The following PTK6 variants were observed in gnomAD, a reference collection of about 807,000 sequenced individuals.
The protein encoded by PTK6 is protein tyrosine kinase 6.
PTK6 carries 47 observed loss-of-function variants against 47.5 expected under a neutral mutation model. The ratio of observed to expected loss-of-function variants is 0.99; its 90% confidence interval spans 0.78 to 1.26. PTK6 has a LOEUF of 1.26. PTK6 is among the 50% of genes most tolerant of loss of function. The probability of loss-of-function intolerance (pLI) is 0.00; values close to 1 mark genes in which losing one functional copy is unlikely to be tolerated. For synonymous variants in PTK6, 287 were observed against 276.5 expected (o/e 1.04, Z -0.38); for missense variants, 618 against 625.3 (o/e 0.99, Z 0.12).
At position 63,529,271 on chromosome 20, in the gene PTK6, T is replaced by C. The variant is rs1404633275; in HGVS notation, c.*265A>G. On this transcript the variant is annotated 3_prime_UTR_variant, in exon 8 of 8. Transcript: ENST00000542869. The surrounding 1 kb of genome is among the most constrained non-coding windows in gnomAD (Gnocchi z 5.6). Reference sequence around the variant, plus strand: ...TGTGGTCAGAGTCCCCTCTGACCTCTGCTGGCTTCGTGTCAGTCTCCCGGA... The same window carrying C: ...TGTGGTCAGAGTCCCCTCTGACCTCCGCTGGCTTCGTGTCAGTCTCCCGGA... 1 of 365,128 alleles carries C rather than the reference T, an allele frequency of 2.7e-6. No homozygotes were observed. The highest frequency in any genetic ancestry group is 5.0e-5 in the East Asian group (1 of 20,102). The allele number at this position is 365,128 out of a possible 1,614,324, so 22.6% of individuals were successfully genotyped here. A position where few individuals can be genotyped will look rare whatever the true frequency, so the allele number is the denominator to read the frequency against.
chr20:63,530,055 G>T lies in PTK6; in HGVS notation c.1168+23C>A, dbSNP rs2082605699. 1.2e-6 allele frequency: 2 copies of T among 1,612,482 alleles called. No homozygotes were observed. Among genetic ancestry groups the T allele is most frequent in the South Asian group, 1.1e-5 (1 of 91,082 alleles). On this transcript the variant is annotated intron_variant, in intron 7 of 7. Transcript: ENST00000542869. This position sits in a 1 kb window ranked among gnomAD's most constrained non-coding sequence, Gnocchi z 4.1. ...TCCCCCACTCTGCCTCTCATGCCCAGTCAGGGACAGTGGGGACAGTACCTG... is the reference window on the plus strand; with the variant it reads ...TCCCCCACTCTGCCTCTCATGCCCATTCAGGGACAGTGGGGACAGTACCTG...
rs1268130310 is a variant in PTK6, at chr20:63,529,747, A to T, written c.1169-24T>A. On this transcript the variant is annotated intron_variant, in intron 7 of 7. Coordinates refer to ENST00000542869, the MANE Select transcript of PTK6 (RefSeq NM_005975.4). This position sits in a 1 kb window ranked among gnomAD's most constrained non-coding sequence, Gnocchi z 5.6. ...GCCTGCGGCCGACAGGGATGAGAAG[A>T]GCTGGGGCCCACCTGCCTACCCTCC... is the stretch of plus-strand genomic sequence containing the variant. The T allele has an allele frequency of 6.6e-7, 1 of 1,522,632 alleles. No homozygotes were observed. The highest frequency in any genetic ancestry group is 2.4e-5 in the Admixed American group (1 of 42,532). 94.3% of individuals were successfully genotyped at this position (1,522,632 alleles called of 1,614,324 possible).
rs764319971 is a variant in PTK6, at chr20:63,534,311, C to T, written c.357G>A (p.Arg119=). 2 of 1,601,210 alleles carry T rather than the reference C, an allele frequency of 1.2e-6. No homozygotes were observed. The highest frequency in any genetic ancestry group is 8.5e-7 in the Non-Finnish European group (1 of 1,175,878). The stretch of plus-strand genomic sequence containing the variant: ...TGTAGTGCCGCACAGCCTGCGTGTC[C>T]CGCACTGGGAGGGAGAGCGTGAGCT... ...KPSADYVLSV[R]DTQAVRHYKI... is the part of the protein sequence containing the mutation. The change falls in exon 3 of 8, where the codon CGG becomes CGA. Residue 119 remains arginine (R), a synonymous_variant. Transcript: ENST00000542869.
At chr20:63,535,403 C>T (rs1291787809) in intron 1 of PTK6, among the ~76,000 whole-genome samples, 1 of 143,558 alleles carries the variant, frequency 7.0e-6, no homozygotes, top group African/African-American at 3.0e-5. Flanking sequence ...GTGTGACGCA[C>T]GCTCACACAC....
chr20:63,536,786 G>T (rs2082672342), intron 1 of PTK6, among the ~76,000 whole-genome samples: 1 of 152,202 alleles, frequency 6.6e-6, no homozygotes, highest in African/African-American at 2.4e-5. Flanking sequence ...TCCTCCCTGG[G>T]TCCCGGCAAT....
In PTK6 at chr20:63,532,579, A is replaced by G. The variant is rs2082633723; in HGVS notation, c.779T>C (p.Val260Ala). The G allele has an allele frequency of 6.2e-7, 1 of 1,613,996 alleles. No homozygotes were observed. The highest frequency in any genetic ancestry group is 8.5e-7 in the Non-Finnish European group (1 of 1,179,982). The stretch of plus-strand genomic sequence containing the variant: ...GGCCATGAGCTCCGTGATGATGTAC[A>G]CGGGGTCCCCCACGGACACCACGGC... ...LYAVVSVGDPVYIITELMAKG... is the reference protein window; with the variant it reads ...LYAVVSVGDPAYIITELMAKG... Residue 260 changes from valine to alanine, a missense_variant, in exon 5 of 8, where the codon GTG (valine) becomes GCG (alanine). Coordinates refer to ENST00000542869, the MANE Select transcript of PTK6 (RefSeq NM_005975.4).
chr20:63,535,771 C>CCCCTCACCTGGCCTCCCGCCCCCT (rs2082660311), intron 1 of PTK6, among the ~76,000 whole-genome samples: 1 of 115,730 alleles, frequency 8.6e-6, no homozygotes, highest in African/African-American at 4.0e-5. Context: ...CCCGCCCCCC[C>CCCCTCACCTGGCCTCCCGCCCCCT]CCTCACCTGG....
Position 63,530,858 on chromosome 20 carries a change from C to T in PTK6, c.902G>A (p.Cys301Tyr). ...DIAWQVAEGM[C>Y]YLESQNYIHR... ...GATGTAATTCTGCGACTCCAGGTAA[C>T]ACATGCCCTCAGCCACCTGCCAGGC... is the stretch of plus-strand genomic sequence containing the variant. The change falls in exon 6 of 8, where the codon TGT (cysteine) becomes TAT (tyrosine). Residue 301 changes from cysteine to tyrosine, a missense_variant. By Grantham distance (194) the Cys-to-Tyr change is radical. Coordinates refer to ENST00000542869, the MANE Select transcript of PTK6 (RefSeq NM_005975.4). The surrounding 1 kb of genome is among the most constrained non-coding windows in gnomAD (Gnocchi z 4.1). 2 of 1,613,956 alleles carry T rather than the reference C, an allele frequency of 1.2e-6. No individual in the cohort carries two copies. The highest frequency in any genetic ancestry group is 2.2e-5 in the East Asian group (1 of 44,868).
At position 63,537,373 on chromosome 20, in the gene PTK6, G is replaced by T; in HGVS notation, c.-59C>A. On this transcript the variant is annotated 5_prime_UTR_variant, in exon 1 of 8. Transcript: ENST00000542869. Reference sequence around the variant, plus strand: ...GCCCAGCTGGAGCACCCAGAGCTGGGCGTGGCAGGCGGGCCGTCCCACTTC... The same window carrying T: ...GCCCAGCTGGAGCACCCAGAGCTGGTCGTGGCAGGCGGGCCGTCCCACTTC... 2 of 1,421,266 alleles carry T rather than the reference G, an allele frequency of 1.4e-6. No homozygotes were observed. Among genetic ancestry groups the T allele is most frequent in the Non-Finnish European group, 9.6e-7 (1 of 1,041,194 alleles). 88.0% of individuals were successfully genotyped at this position (1,421,266 alleles called of 1,614,324 possible).
At chr20:63,534,436 T>A (rs2082648811) in intron 2 of PTK6, 121 bp from the exon 3 acceptor site, 31 of 1,261,902 alleles carry the variant, frequency 2.5e-5, no homozygotes, top group Non-Finnish European at 3.2e-5. Flanking sequence ...TGGTGCTTCC[T>A]CAGTACCACC....
In PTK6 at chr20:63,534,688, C is replaced by T. The variant is rs2082650399; in HGVS notation, c.352+250G>A. 2.0e-5 allele frequency among the ~76,000 whole-genome samples: 3 copies of T among 152,174 alleles called. 1 individual carries two copies. In the South Asian group the frequency reaches 6.2e-4, roughly 32 times the overall value. ...GGGTGCTGAGGACCTCCCACGAGTG[C>T]CTCGGGCAGGGCTGGCTGGAGAAGC... is the stretch of plus-strand genomic sequence containing the variant. On this transcript the variant is annotated intron_variant, in intron 2 of 7. Transcript: ENST00000542869.
chr20:63,535,524 C>T (rs1344278011), intron 1 of PTK6, among the ~76,000 whole-genome samples: 4 of 152,116 alleles, frequency 2.6e-5, no homozygotes, highest in Admixed American at 6.5e-5. Context: ...CACAGCCACT[C>T]GCGCGCACTA....
intron 2 of PTK6, 166 bp downstream of exon 2, chr20:63,534,772 G>A (rs2082651013): frequency 1.8e-6 from 2 of 1,090,462 alleles, no homozygotes; most frequent in Middle Eastern, 3.2e-4. Flanking sequence ...AGTGACCCAG[G>A]CCCCAGGGAG....
In PTK6 at chr20:63,533,083, C is replaced by T. The variant is rs182303666; in HGVS notation, c.671-396G>A. ...CTTTCTTTCTTTCTTTTTTTTTTTTCCCAAGACGGGGTCTTGCTCTGTCGC... is the reference window on the plus strand; with the variant it reads ...CTTTCTTTCTTTCTTTTTTTTTTTTTCCAAGACGGGGTCTTGCTCTGTCGC... On this transcript the variant is annotated intron_variant, in intron 4 of 7. Transcript: ENST00000542869. The surrounding 1 kb of genome is among the most constrained non-coding windows in gnomAD (Gnocchi z 4.0). 0.084 allele frequency among the ~76,000 whole-genome samples: 10,771 copies of T among 127,780 alleles called. 817 individuals are homozygous for T. The highest frequency in any genetic ancestry group is 0.29 in the African/African-American group (7,642 of 26,366). The allele number at this position is 127,780 out of a possible 152,430, so 83.8% of individuals were successfully genotyped here.
chr20:63,535,682 T>C (rs1316517984), intron 1 of PTK6, among the ~76,000 whole-genome samples: 1 of 151,628 alleles, frequency 6.6e-6, no homozygotes, highest in Non-Finnish European at 1.5e-5. Context: ...CGGCCCAGCA[T>C]GGAGCCCCTG....
chr20:63,536,973 G>T, intron 1 of PTK6, 112 bp downstream of exon 1: 1 of 1,146,642 alleles, frequency 8.7e-7, no homozygotes, highest in Non-Finnish European at 1.2e-6. Context: ...GCAGGAAGAT[G>T]GAACCGGGGT....
At position 63,535,050 on chromosome 20, in the gene PTK6, A is replaced by G. The variant is rs772329894; in HGVS notation, c.240T>C (p.Phe80=). ...RETVESEPWF[F]GCISRSEAVR... ...CAGCTTCCGAGCGGGAGATGCAGCC[A>G]AAGAACCACCTGCAGGGGAGGAGTC... Residue 80 remains phenylalanine, a synonymous_variant, in exon 2 of 8, where the codon TTT becomes TTC. Transcript: ENST00000542869. 4.4e-5 allele frequency: 70 copies of G among 1,599,646 alleles called. No homozygotes were observed. Among genetic ancestry groups the G allele is most frequent in the Non-Finnish European group, 5.7e-5 (67 of 1,170,006 alleles).
rs1350972632 is a variant in PTK6, at chr20:63,529,883, C to G, written c.1169-160G>C. 1.3e-5 allele frequency among the ~76,000 whole-genome samples: 2 copies of G among 152,228 alleles called. No individual in the cohort carries two copies. The highest frequency in any genetic ancestry group is 1.3e-4 in the Admixed American group (2 of 15,290). On this transcript the variant is annotated intron_variant, in intron 7 of 7. Transcript: ENST00000542869. The surrounding 1 kb of genome is among the most constrained non-coding windows in gnomAD (Gnocchi z 5.6). ...CACTGTCCACTGCTAACACCTCCCTCTGGACAGGGCTCCAACAGGCAGCTC... is the reference window on the plus strand; with the variant it reads ...CACTGTCCACTGCTAACACCTCCCTGTGGACAGGGCTCCAACAGGCAGCTC...
rs548675612 is a variant in PTK6 at position 63,532,503 on chromosome 20, G to GCTTGCTCTT, written c.832+22_832+23insAAGAGCAAG. The GCTTGCTCTT allele has an allele frequency of 2.9e-4, 464 of 1,586,298 alleles. 1 individual carries two copies. In the African/African-American group the frequency reaches 6.0e-3, roughly 21 times the overall value. The stretch of plus-strand genomic sequence containing the variant: ...CACGTGCCCCCGCTGCCTCCAGCAA[G>GCTTGCTCTT]AGCCCCGGCCCATGCCACTCACCGC... On this transcript the variant is annotated intron_variant, in intron 5 of 7. Coordinates refer to ENST00000542869, the MANE Select transcript of PTK6 (RefSeq NM_005975.4).
Sources: gnomAD v4.1 joint callset for allele counts (sites outside exome capture counted in the v4.1 genomes callset) on GRCh38, gnomAD v4.1.1 for gene constraint, Gnocchi (gnomAD v3.1) non-coding constraint, MANE v1.5 for transcripts, NCBI Gene and HGNC (gene_info 2026-07-23, HGNC 2026-07-21) for gene names.